SLC9B2: variants seen among roughly 807,000 people sequenced by gnomAD.
SLC9B2 encodes the protein sodium/hydrogen exchanger 9B2.
In SLC9B2, 39 loss-of-function variants were observed where a neutral mutation model predicts 52.2. The observed-to-expected ratio is 0.75, with a 90% CI of 0.58 to 0.98. The LOEUF (loss-of-function observed/expected upper bound fraction) is 0.98, where lower values mean the gene tolerates loss of function less well. Ranked by LOEUF, SLC9B2 falls within the 50% of genes least tolerant of loss-of-function variation. The pLI is 0.00. For synonymous variants in SLC9B2, 214 were observed against 227.0 expected, an observed-to-expected ratio of 0.94 and a Z score of 0.51; for missense variants, 626 against 637.5, an observed-to-expected ratio of 0.98 and a Z score of 0.19.
intron 9 of SLC9B2, among the ~76,000 whole-genome samples, chr4:103,035,788 A>T (rs2110586645): frequency 6.6e-6 from 1 of 152,326 alleles, no homozygotes; most frequent in Middle Eastern, 3.4e-3. Context: ...TACCCAAAGG[A>T]ATAGAAATCA....
intron 9 of SLC9B2, among the ~76,000 whole-genome samples, chr4:103,040,190 G>C (rs1743515810): frequency 6.6e-6 from 1 of 152,124 alleles, no homozygotes; most frequent in African/African-American, 2.4e-5. Context: ...AAATATCTAA[G>C]TGTTAAAAGT....
chr4:103,059,017 C>T (rs1444816407), intron 3 of SLC9B2, among the ~76,000 whole-genome samples: 2 of 151,984 alleles, frequency 1.3e-5, no homozygotes, highest in Non-Finnish European at 2.9e-5. Context: ...CAGTGTGCTA[C>T]GATTGCACCA....
Position 103,024,015 on chromosome 4 carries a change from C to CT in SLC9B2, c.*2354dup, listed in dbSNP as rs1178202974. 2.0e-5 allele frequency among the ~76,000 whole-genome samples: 3 copies of CT among 152,128 alleles called. No homozygotes were observed. The highest frequency in any genetic ancestry group is 7.2e-5 in the African/African-American group (3 of 41,428). On this transcript the variant is annotated 3_prime_UTR_variant, in exon 12 of 12. Coordinates refer to ENST00000394785, the MANE Select transcript of SLC9B2 (RefSeq NM_178833.7). ...TCCTAATCTTCCCTCAGCCAATGCCCTACTTTCTCTGGGAAGCTGTGCCTA... is the reference window on the plus strand; with the variant it reads ...TCCTAATCTTCCCTCAGCCAATGCCCTTACTTTCTCTGGGAAGCTGTGCCTA...
chr4:103,043,127 G>A (rs1052565906), intron 9 of SLC9B2, among the ~76,000 whole-genome samples, 169 bp downstream of exon 9: 1 of 152,028 alleles, frequency 6.6e-6, no homozygotes, highest in African/African-American at 2.4e-5. Context: ...ATAGATTGAT[G>A]TGTAAGGGGA....
intron 1 of SLC9B2, among the ~76,000 whole-genome samples, chr4:103,072,209 CCA>C (rs573193524): frequency 1.5e-3 from 221 of 152,022 alleles, no homozygotes; most frequent in African/African-American, 5.0e-3. Context: ...AAGGTGCCGG[CCA>C]CCATGCCCAG....
intron 7 of SLC9B2, 102 bp from the exon 8 acceptor site, chr4:103,045,098 A>C: frequency 2.7e-6 from 2 of 752,366 alleles, no homozygotes; most frequent in Non-Finnish European, 4.4e-6. Flanking sequence ...AAGAAGAAAC[A>C]TTTTAAAGAC....
In SLC9B2 at chr4:103,067,482, G is replaced by C. The variant is rs144950333; in HGVS notation, c.69C>G (p.Pro23=). ...SEPSTGMNYT[P]SMHQEAQEET... Reference sequence around the variant, plus strand: ...TTACCTGTGCTTCTTGATGCATGGAGGGCGTGTAATTCATTCCTGTGGATG... The same window carrying C: ...TTACCTGTGCTTCTTGATGCATGGACGGCGTGTAATTCATTCCTGTGGATG... Residue 23 remains proline, a synonymous_variant, in exon 2 of 12, where the codon CCC becomes CCG. Coordinates refer to ENST00000394785, the MANE Select transcript of SLC9B2 (RefSeq NM_178833.7). 74 of 1,613,148 alleles carry C rather than the reference G, an allele frequency of 4.6e-5. No individual in the cohort carries two copies. The highest frequency in any genetic ancestry group is 6.1e-5 in the Non-Finnish European group (72 of 1,179,426).
At chr4:103,019,547 G>T (rs1001219986), downstream of SLC9B2, 1 of 981,940 alleles carries the variant, frequency 1.0e-6, no homozygotes, top group South Asian at 4.7e-5. Flanking sequence ...GGCAGACCCG[G>T]GACTAGCGCC....
intron 4 of SLC9B2, among the ~76,000 whole-genome samples, chr4:103,053,290 T>A (rs1360865154): frequency 1.3e-5 from 2 of 152,218 alleles, no homozygotes; most frequent in Non-Finnish European, 2.9e-5. Context: ...CATTTTGTCT[T>A]AATAAGTTTC....
rs961541374 is a variant in SLC9B2, at chr4:103,023,672, G to T, written c.*2698C>A. Among the ~76,000 whole-genome samples the T allele has an allele frequency of 5.9e-5, 9 of 152,116 alleles. No homozygotes were observed. Among genetic ancestry groups the T allele is most frequent in the African/African-American group, 2.2e-4 (9 of 41,404 alleles). On this transcript the variant is annotated 3_prime_UTR_variant, in exon 12 of 12. Transcript: ENST00000394785. ...AGAGGAAGTCAAAAAGCCAGCACTG[G>T]GCAGTCACAGAGATTTAGATGGTGG...
chr4:103,034,473 A>G (rs1742986142), intron 9 of SLC9B2, among the ~76,000 whole-genome samples: 1 of 152,212 alleles, frequency 6.6e-6, no homozygotes, highest in Non-Finnish European at 1.5e-5. Context: ...TAAACTAAAG[A>G]GCTCTGCACA....
chr4:103,072,056 GTTT>G (rs779979130), intron 1 of SLC9B2, among the ~76,000 whole-genome samples: 8 of 95,302 alleles, frequency 8.4e-5, no homozygotes, highest in East Asian at 3.0e-4. Context: ...TGGCTTTCAT[GTTT>G]TTTTTTTTTT....
chr4:103,020,324 T>A, downstream of SLC9B2: 1 of 451,128 alleles, frequency 2.2e-6, no homozygotes, highest in Middle Eastern at 3.3e-4. Context: ...CGGAGCTGCG[T>A]TGATGGTGGG....
chr4:103,037,513 T>C lies in SLC9B2; in HGVS notation c.1147-5705A>G, dbSNP rs78373155. Among the ~76,000 whole-genome samples the C allele has an allele frequency of 9.4e-3, 1,425 of 152,356 alleles. 16 individuals are homozygous for C. The highest frequency in any genetic ancestry group is 0.031 in the African/African-American group (1,287 of 41,584). On this transcript the variant is annotated intron_variant, in intron 9 of 11. Coordinates refer to ENST00000394785, the MANE Select transcript of SLC9B2 (RefSeq NM_178833.7). ...ATTTGCATTATTTCTGATGTGTTTATAGTGGGAAGATTATATTTCCATTCA... is the reference window on the plus strand; with the variant it reads ...ATTTGCATTATTTCTGATGTGTTTACAGTGGGAAGATTATATTTCCATTCA...
intron 4 of SLC9B2, 143 bp from the exon 5 acceptor site, chr4:103,050,525 A>G: frequency 1.5e-6 from 1 of 677,540 alleles, no homozygotes; most frequent in Non-Finnish European, 2.1e-6. Context: ...CTTTTAAGTA[A>G]AAATTAGTAT....
intron 9 of SLC9B2, among the ~76,000 whole-genome samples, chr4:103,037,112 G>T (rs969231628): frequency 6.6e-6 from 1 of 152,214 alleles, no homozygotes; most frequent in Admixed American, 6.5e-5. Context: ...CTGTGGGTGT[G>T]TGTGAATGCA....
intron 3 of SLC9B2, among the ~76,000 whole-genome samples, chr4:103,062,398 A>G (rs538670211): frequency 3.2e-4 from 48 of 151,818 alleles, no homozygotes; most frequent in African/African-American, 1.1e-3. Flanking sequence ...CAGCCTGGGC[A>G]ACAGAGTGAG....
intron 9 of SLC9B2, among the ~76,000 whole-genome samples, chr4:103,036,334 G>A (rs1743170199): frequency 1.3e-5 from 2 of 152,150 alleles, no homozygotes; most frequent in Non-Finnish European, 1.5e-5. Flanking sequence ...AGTCCACAGG[G>A]ACACAAAGAA....
intron 1 of SLC9B2, among the ~76,000 whole-genome samples, chr4:103,068,812 T>G (rs1184844686): frequency 1.3e-5 from 2 of 152,150 alleles, no homozygotes; most frequent in African/African-American, 4.8e-5. Context: ...CATATCAAAG[T>G]GCCTAATGGG....
Sources: gnomAD v4.1 joint callset for allele counts (sites outside exome capture counted in the v4.1 genomes callset) on GRCh38, gnomAD v4.1.1 for gene constraint, MANE v1.5 for transcripts, NCBI Gene and HGNC (gene_info 2026-07-23, HGNC 2026-07-21) for gene names.